The following KCNB2 variants were observed in gnomAD, a reference collection of about 807,000 sequenced individuals.
KCNB2 encodes the protein delayed rectifier potassium channel protein.
In KCNB2, 15 loss-of-function variants were observed where a neutral mutation model predicts 61.5. The observed-to-expected ratio is 0.24, with a 90% CI of 0.16 to 0.38. The LOEUF is 0.38. Among genes scored for constraint, KCNB2 ranks in the 10% least tolerant of loss-of-function variants. KCNB2 has a pLI of 1.00. For missense variants in KCNB2, 828 were observed against 1,125.2 expected (o/e 0.74, Z 3.78); for synonymous variants, 457 against 446.0 (o/e 1.02, Z -0.31).
chr8:72,561,691 T>TTATA lies in KCNB2; in HGVS notation c.-93-5917_-93-5914dup, dbSNP rs1172254677. 8.4e-3 allele frequency among the ~76,000 whole-genome samples: 163 copies of TTATA among 19,378 alleles called. 2 individuals are homozygous for TTATA. The highest frequency in any genetic ancestry group is 0.067 in the Middle Eastern group (2 of 30). 12.7% of individuals were successfully genotyped at this position (19,378 alleles called of 152,430 possible). ...GCTGAAAATTTCCAGGATCTTACTT[T>TTATA]TATATATATATATATATATATATAT... On this transcript the variant is annotated intron_variant, in intron 1 of 2. Transcript: ENST00000523207.
chr8:72,922,943 CAT>C (rs1182253664), intron 2 of KCNB2, among the ~76,000 whole-genome samples: 1 of 142,800 alleles, frequency 7.0e-6, no homozygotes, highest in African/African-American at 2.6e-5. Flanking sequence ...TTTAGGGAGA[CAT>C]AAGACTTGAA....
intron 2 of KCNB2, among the ~76,000 whole-genome samples, chr8:72,768,524 C>T (rs76174039): frequency 5.8e-4 from 88 of 152,044 alleles, no homozygotes; most frequent in Non-Finnish European, 1.0e-3. Context: ...GTATTATATG[C>T]AGCACAAAAG....
chr8:72,779,656 C>T (rs1419548527), intron 2 of KCNB2, among the ~76,000 whole-genome samples: 1 of 152,124 alleles, frequency 6.6e-6, no homozygotes, highest in African/African-American at 2.4e-5. Flanking sequence ...AAAATCTTAC[C>T]GTCTGGCTAG....
At chr8:72,587,476 C>T (rs1342532292) in intron 2 of KCNB2, among the ~76,000 whole-genome samples, 3 of 152,178 alleles carry the variant, frequency 2.0e-5, no homozygotes, top group African/African-American at 7.2e-5. Flanking sequence ...TTAATCCCAG[C>T]ACTTTGGGAG....
rs548565771 is a variant in KCNB2 at position 72,700,748 on chromosome 8, G to GA, written c.579+132443dup. Among the ~76,000 whole-genome samples the GA allele has an allele frequency of 5.7e-4, 87 of 151,728 alleles. No individual in the cohort carries two copies. In the South Asian group the frequency reaches 7.5e-3, roughly 13 times the overall value. On this transcript the variant is annotated intron_variant, in intron 2 of 2. Coordinates refer to ENST00000523207, the MANE Select transcript of KCNB2 (RefSeq NM_004770.3). The stretch of plus-strand genomic sequence containing the variant: ...CCCATTTTTGGGTATATATCTAAAA[G>GA]AAAAAAAATCATTCTACCAAGAAGA...
chr8:72,649,244 A>C (rs536232862), intron 2 of KCNB2, among the ~76,000 whole-genome samples: 1 of 152,250 alleles, frequency 6.6e-6, no homozygotes, highest in Non-Finnish European at 1.5e-5. Context: ...TCTGCTTTCA[A>C]GTTATACATC....
intron 2 of KCNB2, among the ~76,000 whole-genome samples, chr8:72,657,598 A>G (rs1276249520): frequency 1.3e-5 from 2 of 152,292 alleles, no homozygotes; most frequent in East Asian, 1.9e-4. Flanking sequence ...TTTATAAAAC[A>G]GTCTCCTAAG....
In KCNB2 at chr8:72,938,183, A is replaced by T; in HGVS notation, c.*92A>T. 9.6e-7 allele frequency: 1 copy of T among 1,038,472 alleles called. No homozygotes were observed. The highest frequency in any genetic ancestry group is 1.4e-6 in the Non-Finnish European group (1 of 703,418). The allele number at this position is 1,038,472 out of a possible 1,614,324, so 64.3% of individuals were successfully genotyped here. On this transcript the variant is annotated 3_prime_UTR_variant, in exon 3 of 3. Coordinates refer to ENST00000523207, the MANE Select transcript of KCNB2 (RefSeq NM_004770.3). ...TTAATAATGCCTGTGAACTAAAAAA[A>T]TGGGAAGCCCTCCCCAAAAAAAGTG...
chr8:72,777,943 A>T (rs1456784454), intron 2 of KCNB2, among the ~76,000 whole-genome samples: 1 of 152,146 alleles, frequency 6.6e-6, no homozygotes, highest in Non-Finnish European at 1.5e-5. Context: ...TTTCTCCTAT[A>T]CTATCTGTCC....
At chr8:72,855,231 C>T (rs1810187511) in intron 2 of KCNB2, among the ~76,000 whole-genome samples, 1 of 152,286 alleles carries the variant, frequency 6.6e-6, no homozygotes, top group East Asian at 1.9e-4. Context: ...TGCTTTAAAC[C>T]CTCCAGAAGT....
At chr8:72,800,504 C>T (rs1809107517) in intron 2 of KCNB2, among the ~76,000 whole-genome samples, 1 of 152,044 alleles carries the variant, frequency 6.6e-6, no homozygotes. Context: ...CAACAAAAGC[C>T]TCTGTGTTTG....
At chr8:72,786,449 G>A (rs1395688040) in intron 2 of KCNB2, among the ~76,000 whole-genome samples, 1 of 152,116 alleles carries the variant, frequency 6.6e-6, no homozygotes, top group Non-Finnish European at 1.5e-5. Flanking sequence ...CCTTGTCTGT[G>A]TATTTGATTT....
chr8:72,886,396 G>GA (rs2129005495), intron 2 of KCNB2, among the ~76,000 whole-genome samples: 1 of 152,264 alleles, frequency 6.6e-6, no homozygotes, highest in African/African-American at 2.4e-5. Context: ...AAGCCACACA[G>GA]AAAAAGGGGA....
At chr8:72,735,431 A>G (rs1015239646) in intron 2 of KCNB2, among the ~76,000 whole-genome samples, 1 of 152,158 alleles carries the variant, frequency 6.6e-6, no homozygotes, top group African/African-American at 2.4e-5. Flanking sequence ...TCTGTACATC[A>G]CCCTTGATAC....
At chr8:72,664,309 G>C (rs939136934) in intron 2 of KCNB2, among the ~76,000 whole-genome samples, 3 of 152,208 alleles carry the variant, frequency 2.0e-5, no homozygotes, top group East Asian at 1.9e-4. Context: ...GTCTGAAGAA[G>C]GAAGAGTTTC....
chr8:72,782,365 G>C (rs556072540), intron 2 of KCNB2, among the ~76,000 whole-genome samples: 2 of 152,002 alleles, frequency 1.3e-5, no homozygotes, highest in Non-Finnish European at 2.9e-5. Context: ...CTGAATGTGT[G>C]TTCCGAGCTA....
At chr8:72,571,076 A>G (rs752605327) in intron 2 of KCNB2, among the ~76,000 whole-genome samples, 1 of 152,216 alleles carries the variant, frequency 6.6e-6, no homozygotes, top group African/African-American at 2.4e-5. Flanking sequence ...TATAAAAGCT[A>G]TTAAGATTAT....
intron 2 of KCNB2, among the ~76,000 whole-genome samples, chr8:72,596,725 A>G (rs1014193373): frequency 1.3e-5 from 2 of 152,208 alleles, no homozygotes; most frequent in African/African-American, 2.4e-5. Context: ...AGATATAGCC[A>G]TATTAAAACA....
intron 2 of KCNB2, among the ~76,000 whole-genome samples, chr8:72,854,319 G>C (rs1233960890): frequency 6.6e-6 from 1 of 152,084 alleles, no homozygotes; most frequent in Non-Finnish European, 1.5e-5. Context: ...ACAGGTATCA[G>C]TTATATATTT....
Sources: gnomAD v4.1 joint callset for allele counts (sites outside exome capture counted in the v4.1 genomes callset) on GRCh38, gnomAD v4.1.1 for gene constraint, MANE v1.5 for transcripts, NCBI Gene and HGNC (gene_info 2026-07-23, HGNC 2026-07-21) for gene names.